The following LRRC7 variants were observed in gnomAD, a reference collection of about 807,000 sequenced individuals.
LRRC7 encodes the protein leucine-rich repeat-containing protein 7.
A neutral mutation model predicts 175.7 loss-of-function variants in LRRC7; 23 were observed. The ratio of observed to expected loss-of-function variants is 0.13; its 90% CI spans 0.09 to 0.19. The LOEUF (loss-of-function observed/expected upper bound fraction) is 0.19, where lower values mean the gene tolerates loss of function less well. Among genes scored for constraint, LRRC7 ranks in the 10% least tolerant of loss-of-function variants. The pLI is 1.00. For missense variants in LRRC7, 1,354 were observed against 1,904.7 expected (o/e 0.71, Z 5.38); for synonymous variants, 685 against 680.9 (o/e 1.01, Z -0.09).
chr1:70,089,233 A>G (rs1663842532), intron 24 of LRRC7, among the ~76,000 whole-genome samples: 1 of 152,136 alleles, frequency 6.6e-6, no homozygotes. Flanking sequence ...TTCCTAAACA[A>G]AGAATTATCT....
In LRRC7 at chr1:70,121,693, A is replaced by C. The variant is rs1218621205; in HGVS notation, c.4621-87A>C. The C allele has an allele frequency of 6.1e-6, 5 of 813,118 alleles. No homozygotes were observed. In the Admixed American group the frequency reaches 7.8e-5, roughly 13 times the overall value. The allele number at this position is 813,118 out of a possible 1,614,324, so 50.4% of individuals were successfully genotyped here. A position where few individuals can be genotyped will look rare whatever the true frequency, so the allele number is the denominator to read the frequency against. Reference sequence around the variant, plus strand: ...AAAAACTGACAACTTTTTGTTGCTCAGTGCTCCCGTGAATTTTATGAATAG... The same window carrying C: ...AAAAACTGACAACTTTTTGTTGCTCCGTGCTCCCGTGAATTTTATGAATAG... On this transcript the variant is annotated intron_variant, in intron 26 of 26. Transcript: ENST00000651989.
chr1:70,044,039 C>T lies in LRRC7; in HGVS notation c.4055C>T (p.Thr1352Ile), dbSNP rs1357459864. The change falls in exon 22 of 27, where the codon ACT becomes ATT. Residue 1352 changes from threonine (T) to isoleucine (I), a missense_variant. By Grantham distance (89) the Thr-to-Ile change is moderately conservative. Transcript: ENST00000651989. ...ISAMHAGRSM[T>I]LNLQTKSKFD... is the part of the protein sequence containing the mutation. Reference sequence around the variant, plus strand: ...GCAATGCATGCAGGCAGAAGCATGACTTTAAACTTGCAGACTAAGTCTAAA... The same window carrying T: ...GCAATGCATGCAGGCAGAAGCATGATTTTAAACTTGCAGACTAAGTCTAAA... The T allele has an allele frequency of 6.2e-7, 1 of 1,613,518 alleles. No homozygotes were observed. The highest frequency in any genetic ancestry group is 2.2e-5 in the East Asian group (1 of 44,828).
chr1:69,943,490 G>A (rs527329549), intron 8 of LRRC7, among the ~76,000 whole-genome samples: 8 of 152,088 alleles, frequency 5.3e-5, no homozygotes, highest in African/African-American at 1.7e-4. Context: ...GAGAAATGAT[G>A]AAAATATACT....
At chr1:69,860,081 C>T (rs1297256130) in intron 7 of LRRC7, among the ~76,000 whole-genome samples, 2 of 151,902 alleles carry the variant, frequency 1.3e-5, no homozygotes, top group African/African-American at 4.8e-5. Flanking sequence ...TGTTTATGCA[C>T]ACATCAATAC....
intron 7 of LRRC7, among the ~76,000 whole-genome samples, chr1:69,839,772 G>A (rs1028645224): frequency 2.0e-5 from 3 of 151,962 alleles, no homozygotes; most frequent in African/African-American, 7.2e-5. Context: ...CCTGACATAG[G>A]TTGTTAGGTT....
At chr1:69,739,152 T>C (rs928986464) in intron 2 of LRRC7, among the ~76,000 whole-genome samples, 2 of 152,050 alleles carry the variant, frequency 1.3e-5, no homozygotes, top group African/African-American at 2.4e-5. Context: ...AGCTTATGCA[T>C]AAAGGACATA....
chr1:69,620,412 G>T (rs183708463), intron 1 of LRRC7, among the ~76,000 whole-genome samples: 29 of 152,218 alleles, frequency 1.9e-4, no homozygotes, highest in Non-Finnish European at 3.5e-4. Context: ...AAAAGTTTAA[G>T]AACCACTGCT....
intron 2 of LRRC7, among the ~76,000 whole-genome samples, chr1:69,707,148 A>G (rs1022496062): frequency 6.6e-6 from 1 of 152,168 alleles, no homozygotes; most frequent in African/African-American, 2.4e-5. Context: ...GTAGCTGTTG[A>G]GAATCCTCCC....
At chr1:69,788,638 G>T (rs1437719021) in intron 3 of LRRC7, among the ~76,000 whole-genome samples, 1 of 152,118 alleles carries the variant, frequency 6.6e-6, no homozygotes, top group African/African-American at 2.4e-5. Context: ...TTTCAACAAA[G>T]GTGTGACATT....
At chr1:69,954,696 A>G (rs1286522567) in intron 8 of LRRC7, among the ~76,000 whole-genome samples, 1 of 152,084 alleles carries the variant, frequency 6.6e-6, no homozygotes, top group Admixed American at 6.6e-5. Flanking sequence ...ATAATTATAA[A>G]GAAAAACTGT....
intron 7 of LRRC7, among the ~76,000 whole-genome samples, chr1:69,853,274 T>TTTTC (rs1683199343): frequency 2.6e-5 from 1 of 38,746 alleles, no homozygotes; most frequent in African/African-American, 7.2e-5. Flanking sequence ...TTCTTTCTTT[T>TTTTC]TTTTTTTTTT....
chr1:69,684,749 A>G (rs60828658), intron 2 of LRRC7, among the ~76,000 whole-genome samples: 38,808 of 151,508 alleles, frequency 0.26, 5,114 homozygotes, highest in East Asian at 0.33. Context: ...GAAAAGAAGG[A>G]AAAAAAAAGC....
intron 24 of LRRC7, among the ~76,000 whole-genome samples, chr1:70,086,437 C>T (rs1571284990): frequency 6.6e-6 from 1 of 152,278 alleles, no homozygotes; most frequent in East Asian, 1.9e-4. Context: ...TGCACTACTA[C>T]TGCATATGTT....
At chr1:69,924,467 T>G (rs910146499) in intron 7 of LRRC7, among the ~76,000 whole-genome samples, 2 of 152,156 alleles carry the variant, frequency 1.3e-5, no homozygotes, top group African/African-American at 4.8e-5. Context: ...TATCCTCTTT[T>G]ATTTCATTGA....
At chr1:69,870,871 A>G (rs1685461946) in intron 7 of LRRC7, among the ~76,000 whole-genome samples, 1 of 152,070 alleles carries the variant, frequency 6.6e-6, no homozygotes, top group African/African-American at 2.4e-5. Flanking sequence ...TATCAACAAA[A>G]TATTTGAAAA....
At chr1:70,063,634 C>T (rs1661747947) in intron 23 of LRRC7, among the ~76,000 whole-genome samples, 1 of 152,010 alleles carries the variant, frequency 6.6e-6, no homozygotes, top group South Asian at 2.1e-4. Flanking sequence ...CTTTGTCTGA[C>T]TTACTCTACT....
chr1:69,863,968 A>G (rs1684634925), intron 7 of LRRC7, among the ~76,000 whole-genome samples: 1 of 152,070 alleles, frequency 6.6e-6, no homozygotes, highest in Admixed American at 6.6e-5. Context: ...GTATGCTTCA[A>G]TCACCCTAAA....
intron 2 of LRRC7, among the ~76,000 whole-genome samples, chr1:69,718,142 G>GAGAAAGAAAGGAAAGAA (rs1665902088): frequency 1.4e-5 from 1 of 73,716 alleles, no homozygotes. Context: ...AAGAAAGAGA[G>GAGAAAGAAAGGAAAGAA]AGAAAGAAAG....
At chr1:69,759,556 T>C (rs140510048) in intron 2 of LRRC7, among the ~76,000 whole-genome samples, 12 of 151,952 alleles carry the variant, frequency 7.9e-5, no homozygotes, top group South Asian at 2.1e-4. Flanking sequence ...AGATCCCCAT[T>C]TGGAAGTGAA....
Sources: allele counts gnomAD v4.1 joint callset (sites outside exome capture counted in the v4.1 genomes callset), GRCh38; gene constraint gnomAD v4.1.1; transcripts MANE v1.5; gene names NCBI Gene and HGNC (gene_info 2026-07-23, HGNC 2026-07-21).